RORA: variants seen among roughly 807,000 people sequenced by gnomAD.
The protein encoded by RORA is RAR related orphan receptor A, also known as nuclear receptor ROR-alpha.
Under a neutral mutation model 69.5 loss-of-function variants are expected in RORA, and 7 were observed. That is an observed-to-expected ratio of 0.10 (90% CI 0.06 to 0.19). RORA has a LOEUF of 0.19. Among genes scored for constraint, RORA ranks in the 10% least tolerant of loss-of-function variants. The pLI is 1.00. For missense variants in RORA, 457 were observed against 663.0 expected, an observed-to-expected ratio of 0.69 and a Z score of 3.41; for synonymous variants, 261 against 240.8, an observed-to-expected ratio of 1.08 and a Z score of -0.78.
intron 1 of RORA, among the ~76,000 whole-genome samples, chr15:60,971,318 A>G (rs552641621): frequency 2.0e-5 from 3 of 152,196 alleles, no homozygotes; most frequent in East Asian, 3.9e-4. Context: ...CCTCCTAGAC[A>G]GTGAGTTCCT....
At chr15:61,060,416 T>C (rs1425325124) in intron 1 of RORA, among the ~76,000 whole-genome samples, 3 of 152,146 alleles carry the variant, frequency 2.0e-5, no homozygotes, top group Non-Finnish European at 2.9e-5. Context: ...GTGGCTGTCA[T>C]GACAGCACCC....
chr15:60,520,082 C>T (rs1158827331), intron 3 of RORA: 2 of 152,132 alleles, frequency 1.3e-5, no homozygotes, highest in Non-Finnish European at 2.9e-5. Context: ...CAAGCAGACA[C>T]ACCTTATTCT....
intron 2 of RORA, among the ~76,000 whole-genome samples, chr15:60,546,062 C>T (rs1018511493): frequency 9.2e-5 from 14 of 152,160 alleles, no homozygotes; most frequent in African/African-American, 2.9e-4. Flanking sequence ...CCATCCGTTC[C>T]ACCTGCTACA....
chr15:60,625,052 T>C (rs1202652007), intron 2 of RORA, among the ~76,000 whole-genome samples: 1 of 152,132 alleles, frequency 6.6e-6, no homozygotes, highest in African/African-American at 2.4e-5. Flanking sequence ...CGTTTGCAAA[T>C]TCAAACCACC....
chr15:60,641,846 C>T (rs1471491609), intron 2 of RORA, among the ~76,000 whole-genome samples: 1 of 152,106 alleles, frequency 6.6e-6, no homozygotes, highest in Non-Finnish European at 1.5e-5. Flanking sequence ...CAAGTAGAGG[C>T]ACTTCGGGTA....
intron 1 of RORA, among the ~76,000 whole-genome samples, chr15:60,932,345 C>T (rs990024683): frequency 2.6e-5 from 4 of 152,088 alleles, no homozygotes; most frequent in African/African-American, 9.7e-5. Context: ...CATTCTGGAC[C>T]GTCCTAAAGA....
Position 61,037,446 on chromosome 15 carries a change from C to A in RORA, c.166+191607G>T, listed in dbSNP as rs116919391. On this transcript the variant is annotated intron_variant, in intron 1 of 10. Coordinates refer to ENST00000335670, the MANE Select transcript of RORA (RefSeq NM_134261.3). ...CTATAAGCTGTACAGACATCCTATACAATATCAATCTCCTGTAGCACAATA... is the reference window on the plus strand; with the variant it reads ...CTATAAGCTGTACAGACATCCTATAAAATATCAATCTCCTGTAGCACAATA... Among the ~76,000 whole-genome samples the A allele has an allele frequency of 4.0e-3, 603 of 152,290 alleles. 13 individuals are homozygous for A. In the East Asian group the frequency reaches 0.067, roughly 17 times the overall value.
Position 60,948,927 on chromosome 15 carries a change from G to A in RORA, c.167-270241C>T, listed in dbSNP as rs145814723. On this transcript the variant is annotated intron_variant, in intron 1 of 10. Coordinates refer to ENST00000335670, the MANE Select transcript of RORA (RefSeq NM_134261.3). ...ATCAATGGAAGCTGGAATTGTCAAG[G>A]AGTTGTTCCAGAGCAGGAGAGATAT... 1.1e-4 allele frequency among the ~76,000 whole-genome samples: 16 copies of A among 152,344 alleles called. No homozygotes were observed. In the East Asian group the frequency reaches 3.1e-3, roughly 29 times the overall value.
intron 1 of RORA, among the ~76,000 whole-genome samples, chr15:60,760,502 A>G (rs749605335): frequency 1.2e-4 from 18 of 152,206 alleles, no homozygotes; most frequent in Non-Finnish European, 4.4e-5. Context: ...CCTTTCTCCC[A>G]TAGTTACCCT....
chr15:60,627,623 T>C (rs1260724621), intron 2 of RORA: 3 of 677,774 alleles, frequency 4.4e-6, no homozygotes, highest in Admixed American at 6.3e-5. Context: ...TGGGCTCCTC[T>C]CTTTTCTTTT....
Position 60,905,852 on chromosome 15 carries a change from T to C in RORA, c.167-227166A>G, listed in dbSNP as rs1316711443. Among the ~76,000 whole-genome samples the C allele has an allele frequency of 6.6e-6, 1 of 152,196 alleles. No individual in the cohort carries two copies. Among genetic ancestry groups the C allele is most frequent in the East Asian group, 1.9e-4 (1 of 5,204 alleles). On this transcript the variant is annotated intron_variant, in intron 1 of 10. Coordinates refer to ENST00000335670, the MANE Select transcript of RORA (RefSeq NM_134261.3). The surrounding 1 kb of genome is among the most constrained non-coding windows in gnomAD (Gnocchi z 4.8). ...TGCTACTGAAAGAAATGGTGCTGAA[T>C]TCACCTTGTTCTTCCACCCTCATCA...
intron 2 of RORA, among the ~76,000 whole-genome samples, chr15:60,571,107 C>T (rs2067867561): frequency 6.6e-6 from 1 of 151,986 alleles, no homozygotes; most frequent in Non-Finnish European, 1.5e-5. Flanking sequence ...GAAATGTTTA[C>T]CCATCTGTAT....
chr15:61,005,418 T>C (rs894568842), intron 1 of RORA, among the ~76,000 whole-genome samples: 6 of 152,148 alleles, frequency 3.9e-5, no homozygotes, highest in Non-Finnish European at 8.8e-5. Context: ...AAGTGGAGGC[T>C]GCGGTGAGCT....
At chr15:61,035,420 C>G (rs1205928967) in intron 1 of RORA, among the ~76,000 whole-genome samples, 1 of 152,026 alleles carries the variant, frequency 6.6e-6, no homozygotes, top group African/African-American at 2.4e-5. Flanking sequence ...AAGAACTAAG[C>G]GGCAGCAAAA....
intron 1 of RORA, among the ~76,000 whole-genome samples, chr15:60,792,022 A>G (rs1016467212): frequency 3.3e-5 from 5 of 152,220 alleles, no homozygotes; most frequent in African/African-American, 9.6e-5. Flanking sequence ...TAAAGAAGCC[A>G]TTATAAATAT....
At chr15:60,568,100 A>C (rs2067769207) in intron 2 of RORA, among the ~76,000 whole-genome samples, 1 of 152,200 alleles carries the variant, frequency 6.6e-6, no homozygotes. Flanking sequence ...CCTGGGGGTC[A>C]AAAGTGCCCC....
At chr15:60,682,586 C>G (rs1267092982) in intron 1 of RORA, among the ~76,000 whole-genome samples, 3 of 152,132 alleles carry the variant, frequency 2.0e-5, no homozygotes, top group African/African-American at 7.2e-5. Flanking sequence ...CAAGTCCAGC[C>G]TGGGCAACAC....
intron 1 of RORA, among the ~76,000 whole-genome samples, chr15:61,151,459 CATT>C (rs1260258467): frequency 6.6e-6 from 1 of 152,222 alleles, no homozygotes; most frequent in Non-Finnish European, 1.5e-5. Context: ...AGCTCCTAAT[CATT>C]ATTAAGTCAT....
chr15:61,111,892 T>C (rs2079009547), intron 1 of RORA, among the ~76,000 whole-genome samples: 1 of 152,234 alleles, frequency 6.6e-6, no homozygotes, highest in Non-Finnish European at 1.5e-5. Flanking sequence ...CATCTATTCA[T>C]TCATTCAATA....
Sources: gnomAD v4.1 joint callset for allele counts (sites outside exome capture counted in the v4.1 genomes callset) on GRCh38, gnomAD v4.1.1 for gene constraint, Gnocchi (gnomAD v3.1) non-coding constraint, MANE v1.5 for transcripts, NCBI Gene and HGNC (gene_info 2026-07-23, HGNC 2026-07-21) for gene names.